Variants in PREX1 observed in about 807,000 individuals in gnomAD.
PREX1 encodes the protein phosphatidylinositol-3,4,5-trisphosphate dependent Rac exchange factor 1, also known as phosphatidylinositol 3,4,5-trisphosphate-dependent Rac exchanger 1 protein.
PREX1 carries 41 observed loss-of-function variants against 198.3 expected under a neutral mutation model. The ratio of observed to expected loss-of-function variants is 0.21; its 90% CI spans 0.16 to 0.27. The LOEUF (loss-of-function observed/expected upper bound fraction) is 0.27. Among genes scored for constraint, PREX1 ranks in the 10% least tolerant of loss-of-function variants. The probability of loss-of-function intolerance (pLI) is 1.00; values close to 1 mark genes in which losing one functional copy is unlikely to be tolerated. For synonymous variants in PREX1, 843 were observed against 887.2 expected, an observed-to-expected ratio of 0.95 and a Z score of 0.89; for missense variants, 1,620 against 2,200.7, an observed-to-expected ratio of 0.74 and a Z score of 5.28.
At chr20:48,647,207 T>G (rs1388742119) in intron 25 of PREX1, among the ~76,000 whole-genome samples, 1 of 151,904 alleles carries the variant, frequency 6.6e-6, no homozygotes, top group African/African-American at 2.4e-5. Flanking sequence ...TCTAGCCTGG[T>G]GACAGTTGGA....
chr20:48,729,767 T>C (rs1173642114), intron 4 of PREX1, among the ~76,000 whole-genome samples: 2 of 152,192 alleles, frequency 1.3e-5, no homozygotes, highest in Admixed American at 6.5e-5. Context: ...TGCCCGGACA[T>C]TGCAGTAGCC....
intron 30 of PREX1, among the ~76,000 whole-genome samples, chr20:48,638,112 C>T (rs527720792): frequency 7.4e-4 from 112 of 152,296 alleles, no homozygotes; most frequent in African/African-American, 2.5e-3. Context: ...CACACACACA[C>T]TCACACATCA....
intron 1 of PREX1, among the ~76,000 whole-genome samples, chr20:48,760,268 C>A (rs1021114306): frequency 6.6e-6 from 1 of 152,074 alleles, no homozygotes; most frequent in African/African-American, 2.4e-5. Context: ...TCTACATGCA[C>A]CAAGCACACT....
At position 48,666,234 on chromosome 20, in the gene PREX1, C is replaced by A. The variant is rs375294561; in HGVS notation, c.1738+49G>T. The A allele has an allele frequency of 1.2e-4, 174 of 1,507,514 alleles. No homozygotes were observed. The African/African-American group carries it at 2.2e-3, about 19-fold the overall frequency. 93.4% of individuals were successfully genotyped at this position (1,507,514 alleles called of 1,614,324 possible). ...CTCCCATACTCCCCCAAACCATCAG[C>A]TCCAGGGAGCAAGGTCCCGGGGGCT... is the stretch of plus-strand genomic sequence containing the variant. On this transcript the variant is annotated intron_variant, in intron 15 of 39. Transcript: ENST00000371941. This position sits in a 1 kb window ranked among gnomAD's most constrained non-coding sequence, Gnocchi z 4.3.
At chr20:48,786,566 A>C in intron 1 of PREX1, among the ~76,000 whole-genome samples, 1 of 152,116 alleles carries the variant, frequency 6.6e-6, no homozygotes, top group Non-Finnish European at 1.5e-5. Flanking sequence ...CAACATGGCA[A>C]AACCAGATCT....
At chr20:48,883,716 C>T in the PREX1 span, among the ~76,000 whole-genome samples, 1 of 152,006 alleles carries the variant, frequency 6.6e-6, no homozygotes, top group Non-Finnish European at 1.5e-5. Context: ...GACTTGAAAA[C>T]ACTGTTGAAA....
upstream of PREX1, among the ~76,000 whole-genome samples, chr20:48,830,453 G>C (rs2090534800): frequency 6.6e-6 from 1 of 152,230 alleles, no homozygotes; most frequent in Admixed American, 6.5e-5. Flanking sequence ...TAAAGTACCT[G>C]ACACACATAG....
chr20:48,869,157 G>A, the PREX1 span, among the ~76,000 whole-genome samples: 6 of 152,128 alleles, frequency 3.9e-5, no homozygotes, highest in South Asian at 2.1e-4. Context: ...TTACAGGTGT[G>A]AGCCACCATA....
At chr20:48,797,712 T>C (rs2090369499) in intron 1 of PREX1, among the ~76,000 whole-genome samples, 1 of 152,222 alleles carries the variant, frequency 6.6e-6, no homozygotes, top group African/African-American at 2.4e-5. Flanking sequence ...CAAAGCGAGC[T>C]GCTCGTGGCC....
intron 21 of PREX1, among the ~76,000 whole-genome samples, chr20:48,651,804 C>T (rs1052666992): frequency 1.3e-5 from 2 of 152,224 alleles, no homozygotes; most frequent in Non-Finnish European, 2.9e-5. Context: ...CAAGGCCTGG[C>T]CCTGAGGACA....
At chr20:48,737,385 C>G (rs1292214310) in intron 3 of PREX1, among the ~76,000 whole-genome samples, 1 of 152,088 alleles carries the variant, frequency 6.6e-6, no homozygotes, top group Non-Finnish European at 1.5e-5. Context: ...CTGTCCTTCT[C>G]CCCTGAATCT....
intron 15 of PREX1, among the ~76,000 whole-genome samples, chr20:48,662,661 C>T (rs767003688): frequency 6.6e-6 from 1 of 152,232 alleles, no homozygotes; most frequent in Admixed American, 6.5e-5. Flanking sequence ...CAGTTCGAGG[C>T]GCCTCAAAAG....
the PREX1 span, among the ~76,000 whole-genome samples, chr20:48,861,909 T>G: frequency 6.6e-6 from 1 of 151,372 alleles, no homozygotes; most frequent in Non-Finnish European, 1.5e-5. Flanking sequence ...CCTCGAAAAA[T>G]AGAGAAAATG....
intron 4 of PREX1, among the ~76,000 whole-genome samples, chr20:48,727,060 C>T (rs574557421): frequency 1.6e-4 from 25 of 152,260 alleles, no homozygotes; most frequent in South Asian, 6.2e-4. Context: ...TAAAACTATG[C>T]GCTGTTTATG....
At chr20:48,796,476 A>C (rs2090362818) in intron 1 of PREX1, among the ~76,000 whole-genome samples, 1 of 152,112 alleles carries the variant, frequency 6.6e-6, no homozygotes, top group Non-Finnish European at 1.5e-5. Flanking sequence ...GTACACCCAG[A>C]CTATCTGAAG....
Position 48,827,936 on chromosome 20 carries a change from G to C in PREX1, c.-76C>G, listed in dbSNP as rs2090517654. On this transcript the variant is annotated 5_prime_UTR_variant, in exon 1 of 40. Coordinates refer to ENST00000371941, the MANE Select transcript of PREX1 (RefSeq NM_020820.4). The surrounding 1 kb of genome is among the most constrained non-coding windows in gnomAD (Gnocchi z 4.1). The stretch of plus-strand genomic sequence containing the variant: ...TCAGGCGTCCAGGCGCCCCATCCCG[G>C]ACGGGGCGCGCCGGCGGGCCGGGCT... 3.6e-6 allele frequency: 2 copies of C among 551,972 alleles called. No individual in the cohort carries two copies. Among genetic ancestry groups the C allele is most frequent in the Non-Finnish European group, 4.6e-6 (2 of 437,508 alleles). The allele number at this position is 551,972 out of a possible 1,614,324, so 34.2% of individuals were successfully genotyped here. A position where few individuals can be genotyped will look rare whatever the true frequency, so the allele number is the denominator to read the frequency against.
chr20:48,699,077 A>T (rs2089861555), intron 7 of PREX1, among the ~76,000 whole-genome samples: 3 of 152,218 alleles, frequency 2.0e-5, no homozygotes, highest in African/African-American at 7.2e-5. Flanking sequence ...GGAGGAGGAC[A>T]GTGGGAAGCC....
chr20:48,840,571 G>A, the PREX1 span, among the ~76,000 whole-genome samples: 7 of 152,190 alleles, frequency 4.6e-5, no homozygotes, highest in African/African-American at 1.7e-4. Flanking sequence ...AGACATTCAG[G>A]TGTGTGGGGC....
intron 1 of PREX1, among the ~76,000 whole-genome samples, chr20:48,771,970 A>C (rs999575003): frequency 6.6e-6 from 1 of 152,112 alleles, no homozygotes; most frequent in Non-Finnish European, 1.5e-5. Flanking sequence ...GAGGTGGGCG[A>C]ATCACCTGAG....
Sources: allele counts gnomAD v4.1 joint callset (sites outside exome capture counted in the v4.1 genomes callset), GRCh38; gene constraint gnomAD v4.1.1; non-coding constraint Gnocchi (gnomAD v3.1); transcripts MANE v1.5; gene names NCBI Gene and HGNC (gene_info 2026-07-23, HGNC 2026-07-21).